Variants in SYT7 observed in about 807,000 individuals in gnomAD.
The protein encoded by SYT7 is synaptotagmin 7.
A neutral mutation model predicts 75.1 loss-of-function variants in SYT7; 29 were observed. The ratio of observed to expected loss-of-function variants is 0.39; its 90% CI spans 0.29 to 0.53. SYT7 has a LOEUF of 0.53. Ranked by LOEUF, SYT7 falls within the 20% of genes least tolerant of loss-of-function variation. The probability of loss-of-function intolerance (pLI) is 0.77; values close to 1 mark genes in which losing one functional copy is unlikely to be tolerated. For synonymous variants in SYT7, 376 were observed against 401.7 expected (o/e 0.94, Z 0.76); for missense variants, 693 against 953.2 (o/e 0.73, Z 3.59).
At chr11:61,543,083 C>G (rs555165027) in intron 5 of SYT7, among the ~76,000 whole-genome samples, 1 of 152,358 alleles carries the variant, frequency 6.6e-6, no homozygotes, top group South Asian at 2.1e-4. Flanking sequence ...CAGTGCAGAG[C>G]TGGCCTAGTA....
chr11:61,542,215 A>T lies in SYT7; in HGVS notation c.937T>A (p.Phe313Ile). Reference protein sequence around the residue: ...IRNRGLDMKSFLEGRMVVLSL... With the variant: ...IRNRGLDMKSILEGRMVVLSL... ...CCGCTCAAGGGGAGGACTTACAGGA[A>T]GGATTTCATGTCCAAGCCTCGGTTT... Residue 313 changes from phenylalanine to isoleucine, a missense_variant, in exon 6 of 13, where the codon TTC becomes ATC. Coordinates refer to ENST00000539008, the MANE Select transcript of SYT7 (RefSeq NM_001365809.2). The surrounding 1 kb of genome is among the most constrained non-coding windows in gnomAD (Gnocchi z 7.8). The T allele has an allele frequency of 1.3e-6, 2 of 1,534,068 alleles. No individual in the cohort carries two copies. The highest frequency in any genetic ancestry group is 1.2e-5 in the South Asian group (1 of 83,994).
rs2062253092 is a variant in SYT7, at chr11:61,519,737, G to GT, written c.1957-1007dup. On this transcript the variant is annotated intron_variant, in intron 12 of 12. Coordinates refer to ENST00000539008, the MANE Select transcript of SYT7 (RefSeq NM_001365809.2). ...AGACGCTAACAACTGGGGAGGCTGC[G>GT]TAAGGGGTAGATGGGAACTCTCTCT... Among the ~76,000 whole-genome samples, 9 of 152,310 alleles carry GT rather than the reference G, an allele frequency of 5.9e-5. No homozygotes were observed. In the South Asian group the frequency reaches 1.9e-3, roughly 32 times the overall value.
At chr11:61,541,149 G>T (rs2063032032) in intron 6 of SYT7, 1 of 985,450 alleles carries the variant, frequency 1.0e-6, no homozygotes, top group African/African-American at 1.7e-5. Context: ...GATGCTCCGA[G>T]GAACTTGCTT....
At chr11:61,544,598 C>A (rs1433323424) in intron 5 of SYT7, among the ~76,000 whole-genome samples, 1 of 152,170 alleles carries the variant, frequency 6.6e-6, no homozygotes, top group Non-Finnish European at 1.5e-5. Flanking sequence ...GCTGCCTCCT[C>A]CCCCTCCTTG....
chr11:61,563,431 G>A (rs1050281952), intron 1 of SYT7, among the ~76,000 whole-genome samples: 1 of 152,168 alleles, frequency 6.6e-6, no homozygotes, highest in Admixed American at 6.5e-5. Context: ...CACACAATGT[G>A]GCAGATACTG....
In SYT7 at chr11:61,546,736, C is replaced by T. The variant is rs1019387631; in HGVS notation, c.347+441G>A. On this transcript the variant is annotated intron_variant, in intron 4 of 12. Transcript: ENST00000539008. This position sits in a 1 kb window ranked among gnomAD's most constrained non-coding sequence, Gnocchi z 7.6. ...TCAGAGTTCATCACCACCACCACCA[C>T]CATCACCGCCACCACCGCCACGAAC... The T allele has an allele frequency of 4.6e-6, 2 of 432,920 alleles. No individual in the cohort carries two copies. Among genetic ancestry groups the T allele is most frequent in the East Asian group, 7.1e-5 (1 of 14,024 alleles). The allele number at this position is 432,920 out of a possible 1,614,324, so 26.8% of individuals were successfully genotyped here. A position where few individuals can be genotyped will look rare whatever the true frequency, so the allele number is the denominator to read the frequency against.
rs1213543339 is a variant in SYT7, at chr11:61,523,732, G to A, written c.1756+95C>T. 1 of 1,290,552 alleles carries A rather than the reference G, an allele frequency of 7.7e-7. No individual in the cohort carries two copies. The allele number at this position is 1,290,552 out of a possible 1,614,324, so 79.9% of individuals were successfully genotyped here. A position where few individuals can be genotyped will look rare whatever the true frequency, so the allele number is the denominator to read the frequency against. Reference sequence around the variant, plus strand: ...GTCGGGGTGTGGCGGGTTGGGGTGAGGACCACTGCAGACCCTGCTCTCCAC... The same window carrying A: ...GTCGGGGTGTGGCGGGTTGGGGTGAAGACCACTGCAGACCCTGCTCTCCAC... On this transcript the variant is annotated intron_variant, in intron 11 of 12. Transcript: ENST00000539008. The surrounding 1 kb of genome is among the most constrained non-coding windows in gnomAD (Gnocchi z 5.0).
chr11:61,544,121 T>C (rs1199488416), intron 5 of SYT7, among the ~76,000 whole-genome samples: 1 of 152,208 alleles, frequency 6.6e-6, no homozygotes, highest in African/African-American at 2.4e-5. Context: ...AGAGAGTATA[T>C]GGCTTATAAA....
At chr11:61,562,003 AGT>A (rs2063648009) in intron 1 of SYT7, among the ~76,000 whole-genome samples, 1 of 151,482 alleles carries the variant, frequency 6.6e-6, no homozygotes, top group Non-Finnish European at 1.5e-5. Flanking sequence ...CTCTTTTACA[AGT>A]GTGTGTGCGC....
intron 1 of SYT7, among the ~76,000 whole-genome samples, chr11:61,564,692 T>TG (rs1229281828): frequency 1.3e-5 from 2 of 151,920 alleles, no homozygotes; most frequent in Non-Finnish European, 2.9e-5. Flanking sequence ...AGAACCTGAG[T>TG]GGACACAAAC....
intron 1 of SYT7, among the ~76,000 whole-genome samples, chr11:61,574,876 G>A (rs898287602): frequency 6.6e-6 from 1 of 152,032 alleles, no homozygotes; most frequent in Non-Finnish European, 1.5e-5. Flanking sequence ...CAGCTGCCGC[G>A]GCAGGGTTTG....
At position 61,542,482 on chromosome 11, in the gene SYT7, G is replaced by GC; in HGVS notation, c.669dup (p.Gln224AlafsTer109). ...CTCAGCGGCTGTTGCAGGCTCTGCT[G>GC]CCGCATCAGGGTGCGGGGTCGCTGG... On this transcript the variant is annotated frameshift_variant, in exon 6 of 13. Coordinates refer to ENST00000539008, the MANE Select transcript of SYT7 (RefSeq NM_001365809.2). LOFTEE classifies it high-confidence loss of function. This position sits in a 1 kb window ranked among gnomAD's most constrained non-coding sequence, Gnocchi z 7.8. 6.5e-7 allele frequency: 1 copy of GC among 1,533,028 alleles called. No homozygotes were observed. The highest frequency in any genetic ancestry group is 8.7e-7 in the Non-Finnish European group (1 of 1,146,074). The allele number at this position is 1,533,028 out of a possible 1,614,324, so 95.0% of individuals were successfully genotyped here. A position where few individuals can be genotyped will look rare whatever the true frequency, so the allele number is the denominator to read the frequency against.
chr11:61,530,086 T>C (rs2062657422), intron 8 of SYT7, among the ~76,000 whole-genome samples: 1 of 152,192 alleles, frequency 6.6e-6, no homozygotes, highest in South Asian at 2.1e-4. Context: ...CTGGAACAGT[T>C]TCCCGGTGTT....
intron 1 of SYT7, among the ~76,000 whole-genome samples, chr11:61,559,673 T>G (rs866272828): frequency 2.5e-4 from 38 of 152,120 alleles, no homozygotes; most frequent in Admixed American, 1.8e-3. Flanking sequence ...TTGGGAATTC[T>G]CCAAAAGGTC....
At chr11:61,549,382 C>CA (rs2063283864) in intron 3 of SYT7, among the ~76,000 whole-genome samples, 1 of 152,196 alleles carries the variant, frequency 6.6e-6, no homozygotes, top group Admixed American at 6.5e-5. Flanking sequence ...AAGAGGGAGA[C>CA]AGAGTGTGCA....
Position 61,580,922 on chromosome 11 carries a change from G to A in SYT7, c.-102C>T, listed in dbSNP as rs1361486068. The A allele has an allele frequency of 5.7e-6, 6 of 1,049,868 alleles. No individual in the cohort carries two copies. Among genetic ancestry groups the A allele is most frequent in the Non-Finnish European group, 6.9e-6 (6 of 872,706 alleles). 65.0% of individuals were successfully genotyped at this position (1,049,868 alleles called of 1,614,324 possible). A position where few individuals can be genotyped will look rare whatever the true frequency, so the allele number is the denominator to read the frequency against. ...GCATGGGGCCGGGCGACCCCCGGGG[G>A]CGGGTCCGAGGGCGGGGGCCGAGCG... On this transcript the variant is annotated 5_prime_UTR_variant, in exon 1 of 13. Coordinates refer to ENST00000539008, the MANE Select transcript of SYT7 (RefSeq NM_001365809.2). The surrounding 1 kb of genome is among the most constrained non-coding windows in gnomAD (Gnocchi z 6.1).
intron 9 of SYT7, chr11:61,525,608 C>G (rs528681808): frequency 6.6e-6 from 1 of 152,186 alleles, no homozygotes; most frequent in East Asian, 1.9e-4. Flanking sequence ...ACATAACACA[C>G]GCGGTAATAG....
At chr11:61,563,200 TCAGATTC>T (rs2063685805) in intron 1 of SYT7, among the ~76,000 whole-genome samples, 1 of 152,220 alleles carries the variant, frequency 6.6e-6, no homozygotes, top group African/African-American at 2.4e-5. Context: ...ACTTGTCTAC[TCAGATTC>T]TGTCTGTCCT....
In SYT7 at chr11:61,580,745, TGCCCGCCGGTGCGGGGCGCCCCA is replaced by T; in HGVS notation, c.31+22_31+44del. The T allele has an allele frequency of 8.4e-7, 1 of 1,194,308 alleles. No individual in the cohort carries two copies. 74.0% of individuals were successfully genotyped at this position (1,194,308 alleles called of 1,614,324 possible). On this transcript the variant is annotated intron_variant, in intron 1 of 12. Transcript: ENST00000539008. This position sits in a 1 kb window ranked among gnomAD's most constrained non-coding sequence, Gnocchi z 6.1. Reference sequence around the variant, plus strand: ...ACGGCGTCCGGCGCTGCCGCTGTCCTGCCCGCCGGTGCGGGGCGCCCCAGCCCGCCGGGGCCGCGCTTACCTGG... The same window carrying T: ...ACGGCGTCCGGCGCTGCCGCTGTCCTGCCCGCCGGGGCCGCGCTTACCTGG...
Sources: allele counts gnomAD v4.1 joint callset (sites outside exome capture counted in the v4.1 genomes callset), GRCh38; gene constraint gnomAD v4.1.1; non-coding constraint Gnocchi (gnomAD v3.1); transcripts MANE v1.5; gene names NCBI Gene and HGNC (gene_info 2026-07-23, HGNC 2026-07-21).